UPRT: variants seen among roughly 807,000 people sequenced by gnomAD.
UPRT encodes the protein RP11-311P8.3.
Under a neutral mutation model 22.6 loss-of-function variants are expected in UPRT, and 5 were observed. The observed-to-expected ratio is 0.22, with a 90% confidence interval of 0.12 to 0.47. The LOEUF (loss-of-function observed/expected upper bound fraction) is 0.47. Ranked by LOEUF, UPRT falls within the 20% of genes least tolerant of loss-of-function variation. UPRT has a pLI of 0.99. For synonymous variants in UPRT, 77 were observed against 87.7 expected (o/e 0.88, Z 0.68); for missense variants, 181 against 239.9 (o/e 0.75, Z 1.62).
chrX:75,186,930 T>C (rs2082294702), intron 4 of UPRT, among the ~76,000 whole-genome samples: 1 of 111,773 alleles, frequency 8.9e-6, no homozygotes, highest in South Asian at 3.7e-4. Flanking sequence ...GCATGTGAGA[T>C]GGGTTTCCTG....
At chrX:75,187,213 G>A (rs999385503) in intron 4 of UPRT, among the ~76,000 whole-genome samples, 3 of 111,162 alleles carry the variant, frequency 2.7e-5, no homozygotes, top group African/African-American at 9.8e-5. Flanking sequence ...TTTAGGGCAG[G>A]CCTGGTGGTG....
intron 4 of UPRT, among the ~76,000 whole-genome samples, chrX:75,257,177 A>C (rs770378195): frequency 9.0e-4 from 101 of 112,365 alleles, no homozygotes; most frequent in Non-Finnish European, 5.1e-4. Context: ...ATCATGATCA[A>C]GTGGGTTTCA....
chrX:75,269,938 C>T (rs1184214889), upstream of UPRT, among the ~76,000 whole-genome samples: 1 of 111,265 alleles, frequency 9.0e-6, no homozygotes, highest in East Asian at 2.8e-4. Flanking sequence ...TTCTGCACAG[C>T]AAAAGAAACT....
chrX:75,279,563 GAT>G (rs1474617262), intron 1 of UPRT, among the ~76,000 whole-genome samples: 1 of 111,659 alleles, frequency 9.0e-6, no homozygotes, highest in Non-Finnish European at 1.9e-5. Context: ...CAGATAAAAT[GAT>G]AGTTTCCCTT....
At chrX:75,171,516 C>T (rs1030035102) in intron 4 of UPRT, among the ~76,000 whole-genome samples, 3 of 110,291 alleles carry the variant, frequency 2.7e-5, no homozygotes, top group Non-Finnish European at 5.7e-5. Context: ...TGGATTTTAC[C>T]TTTCTCTGGT....
intron 2 of UPRT, among the ~76,000 whole-genome samples, chrX:75,160,970 GAAAC>G (rs889179037): frequency 3.6e-5 from 4 of 112,318 alleles, no homozygotes; most frequent in African/African-American, 1.3e-4. Flanking sequence ...GAATAAAGAA[GAAAC>G]AAACATATAT....
In UPRT at chrX:75,216,454, A is replaced by T. The variant is rs1358576191; in HGVS notation, c.-447+48575A>T. On this transcript the variant is annotated intron_variant, in intron 4 of 13. Coordinates refer to the UPRT transcript ENST00000652605. The stretch of plus-strand genomic sequence containing the variant: ...TTCCCTGTAAGATCAGGAACAAAGC[A>T]AGAATGGCTGGATAATTCTCTGAAG... Among the ~76,000 whole-genome samples, 4 of 112,623 alleles carry T rather than the reference A, an allele frequency of 3.6e-5. No individual in the cohort carries two copies. The Admixed American group carries it at 3.7e-4, about 11-fold the overall frequency.
intron 4 of UPRT, among the ~76,000 whole-genome samples, chrX:75,245,188 C>G (rs2082500404): frequency 9.2e-6 from 1 of 108,751 alleles, no homozygotes; most frequent in African/African-American, 3.3e-5. Context: ...CTCAACATCA[C>G]TAATCATTAG....
At chrX:75,290,265 A>G (rs182666713) in intron 1 of UPRT, among the ~76,000 whole-genome samples, 2 of 111,933 alleles carry the variant, frequency 1.8e-5, no homozygotes, top group African/African-American at 3.2e-5. Context: ...ACCATCTCAC[A>G]CCCGTTAGAA....
intron 4 of UPRT, among the ~76,000 whole-genome samples, chrX:75,252,777 G>T (rs917379944): frequency 1.4e-4 from 16 of 112,113 alleles, no homozygotes; most frequent in Non-Finnish European, 5.6e-5. Flanking sequence ...CAATAGCAAA[G>T]ACTTGGAACC....
chrX:75,270,332 T>C (rs1158095712), upstream of UPRT, among the ~76,000 whole-genome samples: 1 of 111,806 alleles, frequency 8.9e-6, no homozygotes, highest in African/African-American at 3.3e-5. Context: ...TCAACCATTG[T>C]GGAAGATAGT....
At chrX:75,183,357 C>A (rs1439030516) in intron 4 of UPRT, among the ~76,000 whole-genome samples, 4 of 111,429 alleles carry the variant, frequency 3.6e-5, no homozygotes, top group African/African-American at 1.3e-4. Flanking sequence ...TGAACTCATC[C>A]TTTTTTATGG....
chrX:75,250,176 C>G (rs1333750725), intron 4 of UPRT, among the ~76,000 whole-genome samples: 1 of 110,682 alleles, frequency 9.0e-6, no homozygotes, highest in Non-Finnish European at 1.9e-5. Context: ...CAAACACATT[C>G]AAAAGCTAGC....
At chrX:75,286,892 T>A (rs772176974) in intron 1 of UPRT, among the ~76,000 whole-genome samples, 4 of 111,455 alleles carry the variant, frequency 3.6e-5, no homozygotes, top group South Asian at 7.5e-4. Context: ...AAAGTGGTAG[T>A]GATAATAAAA....
At chrX:75,254,817 A>G (rs1222245161) in intron 4 of UPRT, among the ~76,000 whole-genome samples, 1 of 90,458 alleles carries the variant, frequency 1.1e-5, no homozygotes, top group Non-Finnish European at 2.0e-5. Flanking sequence ...CGCCCAGGCC[A>G]GACTGCGGAC....
intron 1 of UPRT, among the ~76,000 whole-genome samples, chrX:75,281,989 C>T (rs1031307454): frequency 9.0e-6 from 1 of 110,581 alleles, no homozygotes; most frequent in African/African-American, 3.3e-5. Context: ...CTGATTTAAG[C>T]AAGGAGGGTT....
intron 4 of UPRT, among the ~76,000 whole-genome samples, chrX:75,267,327 C>T (rs769767391): frequency 9.0e-6 from 1 of 111,517 alleles, no homozygotes; most frequent in African/African-American, 3.3e-5. Flanking sequence ...ATCACAAGGA[C>T]ACAAAACCAA....
At chrX:75,172,121 G>T (rs781023560) in intron 4 of UPRT, among the ~76,000 whole-genome samples, 43 of 112,076 alleles carry the variant, frequency 3.8e-4, no homozygotes, top group African/African-American at 1.3e-3. Flanking sequence ...GGAAGGATCA[G>T]GTGATCGGTG....
Position 75,233,162 on chromosome X carries a change from G to A in UPRT, c.-446-57862G>A, listed in dbSNP as rs61613242. Among the ~76,000 whole-genome samples, 1,067 of 111,349 alleles carry A rather than the reference G, an allele frequency of 9.6e-3. 6 individuals are homozygous for A. Among genetic ancestry groups the A allele is most frequent in the Non-Finnish European group, 0.014 (769 of 53,057 alleles). ...ATGCAGAAGCCCCAGGAGCCGATGC[G>A]ATCAACTGGAAGAAAGGGTATCAGC... is the stretch of plus-strand genomic sequence containing the variant. On this transcript the variant is annotated intron_variant, in intron 4 of 13. Coordinates refer to the UPRT transcript ENST00000652605.
Sources: allele counts gnomAD v4.1 joint callset (sites outside exome capture counted in the v4.1 genomes callset), GRCh38; gene constraint gnomAD v4.1.1; transcripts MANE v1.5; gene names NCBI Gene and HGNC (gene_info 2026-07-23, HGNC 2026-07-21).